Variants in ZNF577 observed in about 807,000 individuals in gnomAD.
The protein encoded by ZNF577 is zinc finger protein 577.
In ZNF577, 14 loss-of-function variants were observed where a neutral mutation model predicts 13.9. That is an observed-to-expected ratio of 1.00 (90% CI 0.66 to 1.57). ZNF577 has a LOEUF of 1.57. ZNF577 is among the 40% of genes most tolerant of loss of function. The probability of loss-of-function intolerance (pLI) is 0.00; values close to 1 mark genes in which losing one functional copy is unlikely to be tolerated. For missense variants in ZNF577, 555 were observed against 579.2 expected (o/e 0.96, Z 0.43); for synonymous variants, 203 against 202.9 (o/e 1.00, Z 0.00).
chr19:51,869,337 A>T lies in ZNF577; in HGVS notation c.*3195T>A, dbSNP rs2084616915. ...AGCGATACTGTTCTTTACTGCACTG[A>T]GATATTTGTGTAAAGTCAAACATAA... On this transcript the variant is annotated 3_prime_UTR_variant, in exon 6 of 6. Transcript: ENST00000638348. Among the ~76,000 whole-genome samples the T allele has an allele frequency of 1.3e-5, 2 of 152,162 alleles. No homozygotes were observed. Among genetic ancestry groups the T allele is most frequent in the African/African-American group, 4.8e-5 (2 of 41,436 alleles).
intron 9 of ZNF577, chr19:51,823,723 T>C (rs941355937): frequency 6.5e-7 from 1 of 1,536,654 alleles, no homozygotes; most frequent in East Asian, 2.3e-5. Context: ...AAATGGCCAT[T>C]GCTGAAATGT....
intron 5 of ZNF577, chr19:51,861,757 G>T: frequency 6.6e-6 from 1 of 152,582 alleles, no homozygotes. Context: ...GGTGACCAAT[G>T]AGAGTTTACA....
intron 5 of ZNF577, among the ~76,000 whole-genome samples, chr19:51,876,470 A>C (rs2084765112): frequency 6.6e-6 from 1 of 151,814 alleles, no homozygotes; most frequent in East Asian, 1.9e-4. Context: ...AAAAAACAGA[A>C]GCTGGAAAGG....
chr19:51,805,240 A>G (rs2084050730), exon 11 of ZNF577: 1 of 152,218 alleles, frequency 6.6e-6, no homozygotes, highest in Admixed American at 6.5e-5. Flanking sequence ...TTGGCGGTCC[A>G]TCCGATTTTA....
At position 51,887,400 on chromosome 19, in the gene ZNF577, CAG is replaced by C. The variant is rs1183252629; in HGVS notation, c.-800_-799del. The C allele has an allele frequency of 6.6e-6, 1 of 152,102 alleles. No homozygotes were observed. The highest frequency in any genetic ancestry group is 1.5e-5 in the Non-Finnish European group (1 of 68,016). 9.4% of individuals were successfully genotyped at this position (152,102 alleles called of 1,614,324 possible). A position where few individuals can be genotyped will look rare whatever the true frequency, so the allele number is the denominator to read the frequency against. ...ACATTAAACATGAAATACACTAAAC[CAG>C]AGTTATTTTCTGGAGGAGTATTTAA... On this transcript the variant is annotated 5_prime_UTR_variant, in exon 1 of 6. It introduces an in-frame stop codon into an upstream open reading frame of the 5' UTR. Transcript: ENST00000638348.
chr19:51,861,907 G>A (rs1261067253), intron 5 of ZNF577: 1 of 152,244 alleles, frequency 6.6e-6, no homozygotes, highest in Non-Finnish European at 1.5e-5. Flanking sequence ...CACCTGTATA[G>A]GTTCTCTGTT....
chr19:51,876,262 A>G (rs1001421565), intron 5 of ZNF577, among the ~76,000 whole-genome samples: 1 of 152,164 alleles, frequency 6.6e-6, no homozygotes, highest in Non-Finnish European at 1.5e-5. Context: ...GGGAGAAAGG[A>G]GGATTCTGGT....
rs1356174186 is a variant in ZNF577 at position 51,872,962 on chromosome 19, T to C, written c.1028A>G (p.Gln343Arg). ...KAFRSKSKLI[Q>R]HQRTHTGERP... ...CTCTCCAGTGTGAGTACGCTGATGC[T>C]GAATGAGCTTCGACTTGCTTCTAAA... Residue 343 changes from glutamine to arginine, a missense_variant, in exon 6 of 6, where the codon CAG becomes CGG. Transcript: ENST00000638348. The C allele has an allele frequency of 1.2e-6, 2 of 1,614,218 alleles. No individual in the cohort carries two copies. The highest frequency in any genetic ancestry group is 2.2e-5 in the South Asian group (2 of 91,082).
chr19:51,847,125 A>C (rs1319325483), intron 5 of ZNF577, among the ~76,000 whole-genome samples: 1 of 152,130 alleles, frequency 6.6e-6, no homozygotes, highest in South Asian at 2.1e-4. Flanking sequence ...GTATACAAAC[A>C]CTCGTGTACG....
At chr19:51,823,867 G>A (rs1298799796) in intron 9 of ZNF577, 1 of 1,613,914 alleles carries the variant, frequency 6.2e-7, no homozygotes. Flanking sequence ...TTTGTCTTCG[G>A]GGTCCTGGGC....
At position 51,873,200 on chromosome 19, in the gene ZNF577, G is replaced by A. The variant is rs763361902; in HGVS notation, c.790C>T (p.His264Tyr). 3.1e-6 allele frequency: 5 copies of A among 1,614,086 alleles called. No individual in the cohort carries two copies. In the South Asian group the frequency reaches 3.3e-5, roughly 11 times the overall value. The change falls in exon 6 of 6, where the codon CAT becomes TAT. Residue 264 changes from histidine to tyrosine, a missense_variant. Physicochemically the swap from His to Tyr is moderately conservative, Grantham distance 83. Coordinates refer to ENST00000638348, the MANE Select transcript of ZNF577 (RefSeq NM_001370449.1). ...CACCCATAGAGTTTCTCTCCAGTAT[G>A]TGATCGCTGATGTCTATTGAGCCGG... The part of the protein sequence containing the change: ...KCRLNRHQRS[H>Y]TGEKLYGCSV...
intron 1 of ZNF577, among the ~76,000 whole-genome samples, chr19:51,883,293 AT>A (rs112978619): frequency 0.015 from 2,252 of 146,412 alleles, 64 homozygotes; most frequent in African/African-American, 0.051. Context: ...GCCTGGCCAA[AT>A]TTTTTTTTTT....
chr19:51,831,074 T>C (rs1191944512), intron 9 of ZNF577, among the ~76,000 whole-genome samples: 1 of 152,168 alleles, frequency 6.6e-6, no homozygotes, highest in Non-Finnish European at 1.5e-5. Context: ...CTCTACCAAA[T>C]GTCTTAAGTC....
At chr19:51,884,431 A>T (rs1159240631) in intron 1 of ZNF577, among the ~76,000 whole-genome samples, 1 of 152,212 alleles carries the variant, frequency 6.6e-6, no homozygotes, top group Non-Finnish European at 1.5e-5. Context: ...ACAGATGAAT[A>T]TGAATTGATA....
At chr19:51,851,596 T>A (rs1405114724) in intron 5 of ZNF577, among the ~76,000 whole-genome samples, 1 of 151,994 alleles carries the variant, frequency 6.6e-6, no homozygotes, top group Non-Finnish European at 1.5e-5. Context: ...TGCCCCCATA[T>A]CCCCACACCT....
intron 9 of ZNF577, among the ~76,000 whole-genome samples, chr19:51,815,582 T>C (rs1427870643): frequency 1.5e-5 from 2 of 135,710 alleles, no homozygotes; most frequent in Non-Finnish European, 3.2e-5. Flanking sequence ...AAAAAAAAGG[T>C]AGACACCAGG....
intron 6 of ZNF577, chr19:51,843,362 T>C (rs1461292998): frequency 6.6e-6 from 1 of 152,238 alleles, no homozygotes; most frequent in Non-Finnish European, 1.5e-5. Flanking sequence ...TATAATAAAA[T>C]TCAGTCTATA....
intron 5 of ZNF577, chr19:51,860,413 G>A (rs543202214): frequency 6.6e-6 from 1 of 152,358 alleles, no homozygotes; most frequent in Non-Finnish European, 1.5e-5. Context: ...GAATAGATAT[G>A]GCTCCATTAG....
In ZNF577 at chr19:51,817,486, C is replaced by T. The variant is rs113682316; in HGVS notation, c.*600-5812G>A. Among the ~76,000 whole-genome samples the T allele has an allele frequency of 4.4e-4, 66 of 151,212 alleles. 2 individuals carry two copies. In the South Asian group the frequency reaches 0.013, roughly 30 times the overall value. On this transcript the variant is annotated intron_variant and NMD_transcript_variant, in intron 9 of 10. Transcript: ENST00000638827. Reference sequence around the variant, plus strand: ...GCTTTAATCCTTACAAAAGAAGTAACGTAAGTAACCATGTCAGTCAATCTG... The same window carrying T: ...GCTTTAATCCTTACAAAAGAAGTAATGTAAGTAACCATGTCAGTCAATCTG...
Sources: allele counts gnomAD v4.1 joint callset (sites outside exome capture counted in the v4.1 genomes callset), GRCh38; gene constraint gnomAD v4.1.1; transcripts MANE v1.5; gene names NCBI Gene and HGNC (gene_info 2026-07-23, HGNC 2026-07-21).